DNAH11: variants seen among roughly 807,000 people sequenced by gnomAD.
DNAH11 encodes the protein axonemal beta dynein heavy chain 11.
DNAH11 carries 442 observed loss-of-function variants against 526.0 expected under a neutral mutation model. The ratio of observed to expected loss-of-function variants is 0.84; its 90% confidence interval spans 0.78 to 0.91. The LOEUF (loss-of-function observed/expected upper bound fraction) is 0.91, where lower values mean the gene tolerates loss of function less well. DNAH11 is among the 40% of genes least tolerant of loss of function. The pLI is 0.00. For missense variants in DNAH11, 6,989 were observed against 5,448.7 expected (o/e 1.28, Z -8.90); for synonymous variants, 2,461 against 1,935.9 (o/e 1.27, Z -7.12).
intron 28 of DNAH11, among the ~76,000 whole-genome samples, chr7:21,646,203 A>G (rs1211287180): frequency 2.0e-5 from 3 of 152,212 alleles, no homozygotes; most frequent in African/African-American, 7.2e-5. Context: ...CATCAGGGAA[A>G]TGTAAACCAA....
At chr7:21,758,306 T>A (rs1786725460) in intron 54 of DNAH11, among the ~76,000 whole-genome samples, 2 of 152,370 alleles carry the variant, frequency 1.3e-5, no homozygotes, top group Admixed American at 1.3e-4. Flanking sequence ...ACTCTGTATC[T>A]GAGGTTTACC....
chr7:21,864,687 T>C, intron 70 of DNAH11, 30 bp downstream of exon 70: 1 of 1,546,198 alleles, frequency 6.5e-7, no homozygotes, highest in Non-Finnish European at 8.7e-7. Flanking sequence ...TCTCAAATTC[T>C]GGATCTTATT....
chr7:21,627,431 A>G (rs1786391356), intron 25 of DNAH11, among the ~76,000 whole-genome samples: 1 of 152,074 alleles, frequency 6.6e-6, no homozygotes, highest in South Asian at 2.1e-4. Flanking sequence ...TCAACTCTTA[A>G]TCCATTTTTA....
chr7:21,727,419 T>A (rs1300072965), intron 45 of DNAH11, among the ~76,000 whole-genome samples: 1 of 152,230 alleles, frequency 6.6e-6, no homozygotes, highest in Non-Finnish European at 1.5e-5. Context: ...ATAACGTTCT[T>A]CTTATACCCT....
At chr7:21,801,405 C>T (rs1429401021) in intron 62 of DNAH11, 130 bp downstream of exon 62, 2 of 1,248,472 alleles carry the variant, frequency 1.6e-6, no homozygotes, top group East Asian at 5.1e-5. Context: ...GATAATCACT[C>T]ATCCTGTGGC....
intron 8 of DNAH11, among the ~76,000 whole-genome samples, chr7:21,579,637 A>G (rs1462258662): frequency 6.6e-6 from 1 of 152,226 alleles, no homozygotes; most frequent in Non-Finnish European, 1.5e-5. Context: ...AGTTAGGAGC[A>G]GTAAGTGGCA....
chr7:21,690,897 T>C lies in DNAH11; in HGVS notation c.6041+16T>C, dbSNP rs750311859. 2.5e-6 allele frequency: 4 copies of C among 1,590,206 alleles called. No individual in the cohort carries two copies. The East Asian group carries it at 6.7e-5, about 27-fold the overall frequency. The stretch of plus-strand genomic sequence containing the variant: ...CTCTTTTCAGGCAAGTGTTATGCTT[T>C]GTGGCTTAGCATCTGGTGCACTCAT... On this transcript the variant is annotated intron_variant, in intron 35 of 81. Transcript: ENST00000409508.
At position 21,801,146 on chromosome 7, in the gene DNAH11, C is replaced by G. The variant is rs773851007; in HGVS notation, c.10036C>G (p.Arg3346Gly). 7.5e-6 allele frequency: 12 copies of G among 1,607,998 alleles called. No individual in the cohort carries two copies. The South Asian group carries it at 1.2e-4, about 16-fold the overall frequency. Residue 3346 changes from arginine (R) to glycine (G), a missense_variant, in exon 62 of 82, where the codon CGA becomes GGA. Transcript: ENST00000409508. Reference protein sequence around the residue: ...AIRKKLVDLDRNLSRLTASFE... With the variant: ...AIRKKLVDLDGNLSRLTASFE... ...TTCAACTCTGATTCAGGATCTGGAT[C>G]GAAATCTGAGCAGACTCACGGCTTC...
intron 61 of DNAH11, among the ~76,000 whole-genome samples, chr7:21,791,981 G>A (rs999795303): frequency 1.3e-5 from 2 of 152,108 alleles, no homozygotes; most frequent in African/African-American, 4.8e-5. Context: ...TGCTTTGGGC[G>A]GGGCCTCAGG....
In DNAH11 at chr7:21,823,805, C is replaced by T. The variant is rs73277768; in HGVS notation, c.10691+5466C>T. Among the ~76,000 whole-genome samples the T allele has an allele frequency of 1.6e-3, 248 of 152,184 alleles. 1 individual carries two copies. Among genetic ancestry groups the T allele is most frequent in the African/African-American group, 5.6e-3 (232 of 41,526 alleles). ...TAGTTAAAATATTAAAAACACCTTT[C>T]GAAATGTGTTACTGAGTTGACAAAA... On this transcript the variant is annotated intron_variant, in intron 65 of 81. Transcript: ENST00000409508.
chr7:21,555,409 C>G (rs1402587896), intron 2 of DNAH11, among the ~76,000 whole-genome samples: 1 of 152,164 alleles, frequency 6.6e-6, no homozygotes, highest in African/African-American at 2.4e-5. Flanking sequence ...GCCCATAGGC[C>G]TAGAATTTCT....
intron 22 of DNAH11, among the ~76,000 whole-genome samples, chr7:21,616,917 T>G (rs1350294912): frequency 1.3e-5 from 2 of 152,124 alleles, no homozygotes; most frequent in African/African-American, 4.8e-5. Context: ...GACCATTTGC[T>G]TTTTTTCCAC....
intron 56 of DNAH11, among the ~76,000 whole-genome samples, chr7:21,775,204 G>A (rs971285738): frequency 3.9e-5 from 6 of 152,276 alleles, no homozygotes; most frequent in African/African-American, 9.6e-5. Context: ...AATTAGGAAA[G>A]AGAAACCAGG....
chr7:21,638,992 C>G lies in DNAH11; in HGVS notation c.4871C>G (p.Ala1624Gly). 2 of 1,613,682 alleles carry G rather than the reference C, an allele frequency of 1.2e-6. No individual in the cohort carries two copies. Among genetic ancestry groups the G allele is most frequent in the Non-Finnish European group, 1.7e-6 (2 of 1,179,728 alleles). The change falls in exon 28 of 82, where the codon GCC becomes GGC. Residue 1624 changes from alanine (A) to glycine (G), a missense_variant. Ala to Gly is a moderately conservative substitution (Grantham distance 60). Coordinates refer to ENST00000409508, the MANE Select transcript of DNAH11 (RefSeq NM_001277115.2). ...LAEYLETKRI[A>G]FPRFYFVSSA... Reference sequence around the variant, plus strand: ...GAATACCTGGAAACCAAGCGCATAGCCTTTCCTCGCTTCTATTTCGTCTCT... The same window carrying G: ...GAATACCTGGAAACCAAGCGCATAGGCTTTCCTCGCTTCTATTTCGTCTCT...
At chr7:21,707,484 G>T (rs367752310) in intron 39 of DNAH11, among the ~76,000 whole-genome samples, 1 of 152,238 alleles carries the variant, frequency 6.6e-6, no homozygotes, top group Non-Finnish European at 1.5e-5. Flanking sequence ...AAAGAGTCAA[G>T]TGAACTGATT....
At chr7:21,790,883 T>C (rs1788453190) in intron 61 of DNAH11, among the ~76,000 whole-genome samples, 1 of 152,226 alleles carries the variant, frequency 6.6e-6, no homozygotes, top group African/African-American at 2.4e-5. Context: ...AGAATTTAAA[T>C]TTTATCCGAT....
At chr7:21,822,769 T>C (rs910078319) in intron 65 of DNAH11, among the ~76,000 whole-genome samples, 6 of 151,974 alleles carry the variant, frequency 3.9e-5, no homozygotes, top group African/African-American at 9.7e-5. Flanking sequence ...TCACATTTGT[T>C]ATTTCTTGTC....
intron 45 of DNAH11, among the ~76,000 whole-genome samples, chr7:21,729,431 C>T (rs944123384): frequency 6.6e-6 from 1 of 152,158 alleles, no homozygotes; most frequent in African/African-American, 2.4e-5. Flanking sequence ...TCATGTTCTG[C>T]GTATGGACAA....
intron 30 of DNAH11, among the ~76,000 whole-genome samples, chr7:21,679,640 T>C (rs968045294): frequency 6.6e-6 from 1 of 152,148 alleles, no homozygotes; most frequent in African/African-American, 2.4e-5. Context: ...AGCTTTCCTT[T>C]GTGTTTGACT....
Sources: gnomAD v4.1 joint callset for allele counts (sites outside exome capture counted in the v4.1 genomes callset) on GRCh38, gnomAD v4.1.1 for gene constraint, MANE v1.5 for transcripts, NCBI Gene and HGNC (gene_info 2026-07-23, HGNC 2026-07-21) for gene names.